USP37: variants seen among roughly 807,000 people sequenced by gnomAD.
USP37 encodes the protein ubiquitin carboxyl-terminal hydrolase 37.
Under a neutral mutation model 124.0 loss-of-function variants are expected in USP37, and 27 were observed. That is an observed-to-expected ratio of 0.22 (90% CI 0.16 to 0.30). The LOEUF (loss-of-function observed/expected upper bound fraction) is 0.30. Among genes scored for constraint, USP37 ranks in the 10% least tolerant of loss-of-function variants. The pLI is 1.00. For missense variants in USP37, 889 were observed against 1,140.4 expected (o/e 0.78, Z 3.17); for synonymous variants, 365 against 388.0 (o/e 0.94, Z 0.70).
At chr2:218,507,359 T>C (rs929069782) in intron 11 of USP37, among the ~76,000 whole-genome samples, 1 of 151,980 alleles carries the variant, frequency 6.6e-6, no homozygotes. Context: ...GGTTTCACCA[T>C]GTTGGCCAGG....
At chr2:218,524,640 C>T (rs540550220) in intron 10 of USP37, among the ~76,000 whole-genome samples, 8 of 152,266 alleles carry the variant, frequency 5.3e-5, no homozygotes, top group Admixed American at 3.3e-4. Context: ...GATGGAGTCT[C>T]GCGCTGTCAC....
intron 2 of USP37, among the ~76,000 whole-genome samples, chr2:218,561,524 G>A (rs1693308267): frequency 6.6e-6 from 1 of 152,054 alleles, no homozygotes. Flanking sequence ...CAGGTGTGGT[G>A]GCGTGCGCCT....
At chr2:218,472,325 G>A (rs1036647725) in intron 20 of USP37, among the ~76,000 whole-genome samples, 3 of 152,156 alleles carry the variant, frequency 2.0e-5, no homozygotes, top group South Asian at 2.1e-4. Flanking sequence ...TGGTAGCCAC[G>A]GTTCACTAGA....
At chr2:218,465,273 G>A (rs186762141) in intron 21 of USP37, among the ~76,000 whole-genome samples, 5 of 151,870 alleles carry the variant, frequency 3.3e-5, no homozygotes, top group Admixed American at 2.6e-4. Context: ...TCTACAGCTT[G>A]CAAAATAATG....
intron 10 of USP37, among the ~76,000 whole-genome samples, chr2:218,515,404 C>T (rs1690222163): frequency 6.6e-6 from 1 of 152,220 alleles, no homozygotes; most frequent in East Asian, 1.9e-4. Context: ...ACATCTACAG[C>T]CATCTGATCT....
At chr2:218,514,292 T>C (rs963419798) in intron 10 of USP37, 4 of 152,222 alleles carry the variant, frequency 2.6e-5, no homozygotes, top group African/African-American at 4.8e-5. Flanking sequence ...GTATTTTCAC[T>C]AAAGTCCTTT....
At chr2:218,505,857 T>C (rs1235720811) in intron 11 of USP37, among the ~76,000 whole-genome samples, 1 of 118,112 alleles carries the variant, frequency 8.5e-6, no homozygotes, top group Non-Finnish European at 1.7e-5. Flanking sequence ...TCTTGGATTA[T>C]AGCTGTTTTG....
At chr2:218,544,037 G>A (rs761248547) in intron 8 of USP37, among the ~76,000 whole-genome samples, 20 of 151,914 alleles carry the variant, frequency 1.3e-4, no homozygotes, top group Non-Finnish European at 2.5e-4. Flanking sequence ...AACATTCTAT[G>A]TTATCTTTGT....
intron 9 of USP37, among the ~76,000 whole-genome samples, chr2:218,533,656 A>G (rs1691460473): frequency 2.0e-5 from 3 of 152,168 alleles, no homozygotes; most frequent in South Asian, 2.1e-4. Flanking sequence ...CTTACATGTG[A>G]TATTTCTTTC....
At chr2:218,463,273 A>G (rs764847380) in intron 22 of USP37, 33 bp downstream of exon 22, 3 of 1,598,606 alleles carry the variant, frequency 1.9e-6, no homozygotes, top group Non-Finnish European at 1.7e-6. Flanking sequence ...TAATTTTACC[A>G]TTAAAAAAAT....
intron 4 of USP37, 90 bp downstream of exon 4, chr2:218,558,408 A>T: frequency 8.9e-7 from 1 of 1,117,764 alleles, no homozygotes; most frequent in East Asian, 2.6e-5. Flanking sequence ...ATCTAGGAGG[A>T]GGGCTACTGT....
intron 20 of USP37, among the ~76,000 whole-genome samples, chr2:218,473,628 G>A (rs1690807150): frequency 6.6e-6 from 1 of 152,044 alleles, no homozygotes; most frequent in Non-Finnish European, 1.5e-5. Flanking sequence ...AGAAAAATTT[G>A]AACTGGTCAT....
intron 13 of USP37, among the ~76,000 whole-genome samples, chr2:218,496,717 C>T (rs185248724): frequency 1.9e-4 from 29 of 152,160 alleles, no homozygotes; most frequent in Non-Finnish European, 8.8e-5. Flanking sequence ...GGCACAATCT[C>T]GGCTCACTGC....
chr2:218,504,744 CATTTT>C (rs1689591101), intron 11 of USP37, among the ~76,000 whole-genome samples: 2 of 151,852 alleles, frequency 1.3e-5, no homozygotes, highest in Non-Finnish European at 2.9e-5. Context: ...CTAGCCTGCT[CATTTT>C]ATTTATTTTT....
intron 25 of USP37, among the ~76,000 whole-genome samples, chr2:218,455,279 C>G (rs908485136): frequency 6.6e-6 from 1 of 152,142 alleles, no homozygotes; most frequent in Admixed American, 6.6e-5. Context: ...GATCTTCTAG[C>G]TGATAAAACT....
intron 10 of USP37, among the ~76,000 whole-genome samples, chr2:218,512,474 C>T (rs1213693121): frequency 2.0e-5 from 3 of 151,876 alleles, no homozygotes; most frequent in Non-Finnish European, 4.4e-5. Flanking sequence ...TGCCACTGCA[C>T]TCCAGCCTGA....
chr2:218,490,133 C>G (rs13400327), intron 14 of USP37, among the ~76,000 whole-genome samples: 1 of 152,054 alleles, frequency 6.6e-6, no homozygotes. Flanking sequence ...GGGCGGATCA[C>G]GAGATCAGGA....
At chr2:218,546,197 A>G (rs770691608) in intron 8 of USP37, 24 bp downstream of exon 8, 4 of 1,581,952 alleles carry the variant, frequency 2.5e-6, no homozygotes, top group Non-Finnish European at 3.5e-6. Context: ...CTCTAACACT[A>G]TAAAGGCCCT....
chr2:218,476,272 T>C (rs1365341158), intron 19 of USP37, among the ~76,000 whole-genome samples: 1 of 152,154 alleles, frequency 6.6e-6, no homozygotes, highest in Non-Finnish European at 1.5e-5. Context: ...TACAGTTCCC[T>C]CACATAAACA....
Sources: allele counts gnomAD v4.1 joint callset (sites outside exome capture counted in the v4.1 genomes callset), GRCh38; gene constraint gnomAD v4.1.1; transcripts MANE v1.5; gene names NCBI Gene and HGNC (gene_info 2026-07-23, HGNC 2026-07-21).